Variants in COL18A1 observed in about 807,000 individuals in gnomAD.
COL18A1 encodes the protein collagen type XVIII alpha 1 chain.
COL18A1 carries 133 observed loss-of-function variants against 168.0 expected under a neutral mutation model. The observed-to-expected ratio is 0.79, with a 90% CI of 0.69 to 0.91. The LOEUF (loss-of-function observed/expected upper bound fraction) is 0.91, where lower values mean the gene tolerates loss of function less well. COL18A1 is among the 40% of genes least tolerant of loss of function. COL18A1 has a pLI of 0.00. For missense variants in COL18A1, 2,126 were observed against 1,925.4 expected, an observed-to-expected ratio of 1.10 and a Z score of -1.95; for synonymous variants, 949 against 809.0, an observed-to-expected ratio of 1.17 and a Z score of -2.94.
chr21:45,509,666 GCC>G, intron 39 of COL18A1, 65 bp downstream of exon 39: 1 of 902,122 alleles, frequency 1.1e-6, no homozygotes, highest in Non-Finnish European at 1.8e-6. Context: ...GCAGAAGAGG[GCC>G]CAGCCCCTGC....
chr21:45,456,805 G>T, intron 2 of COL18A1: 1 of 1,538,694 alleles, frequency 6.5e-7, no homozygotes, highest in Non-Finnish European at 8.8e-7. Context: ...GCCTGGGCGG[G>T]GGCCGGCTGC....
chr21:45,474,345 G>T (rs1255343127), intron 4 of COL18A1, among the ~76,000 whole-genome samples: 1 of 148,174 alleles, frequency 6.7e-6, no homozygotes, highest in Non-Finnish European at 1.5e-5. Flanking sequence ...GTGTGGATGT[G>T]TGTGTGTCTG....
chr21:45,499,124 C>T (rs2036648099), intron 32 of COL18A1, among the ~76,000 whole-genome samples: 1 of 152,182 alleles, frequency 6.6e-6, no homozygotes, highest in African/African-American at 2.4e-5. Flanking sequence ...CGGGAGAAGC[C>T]AGAAGACCAT....
At chr21:45,504,121 C>A in intron 33 of COL18A1, 67 bp downstream of exon 33, 1 of 1,544,406 alleles carries the variant, frequency 6.5e-7, no homozygotes, top group Non-Finnish European at 8.9e-7. Context: ...TGGCTGCTCC[C>A]AATTTCTCGC....
Position 45,487,464 on chromosome 21 carries a change from C to CG in COL18A1, c.1857dup (p.Pro620AlafsTer10). The CG allele has an allele frequency of 1.2e-6, 2 of 1,613,040 alleles. No homozygotes were observed. The highest frequency in any genetic ancestry group is 1.1e-5 in the South Asian group (1 of 91,084). ...TCTTCCAGGATGACATGGAAGGCTC[C>CG]GGGGGGCCCTTCTGGTCAACAGCCC... On this transcript the variant is annotated frameshift_variant, in exon 17 of 42. Coordinates refer to ENST00000651438, the MANE Select transcript of COL18A1 (RefSeq NM_001379500.1). LOFTEE classifies it high-confidence loss of function.
intron 15 of COL18A1, among the ~76,000 whole-genome samples, chr21:45,483,136 C>T (rs570254207): frequency 1.1e-4 from 17 of 152,334 alleles, no homozygotes; most frequent in African/African-American, 2.6e-4. Context: ...GTGGCAAGCG[C>T]GATAAAGCAG....
At chr21:45,437,254 A>C (rs1420131189) in intron 2 of COL18A1, among the ~76,000 whole-genome samples, 1 of 106,344 alleles carries the variant, frequency 9.4e-6, no homozygotes, top group Admixed American at 8.8e-5. Flanking sequence ...GTACACACAC[A>C]CACTCACACA....
chr21:45,428,191 C>T (rs1297355098), intron 2 of COL18A1, among the ~76,000 whole-genome samples: 1 of 152,206 alleles, frequency 6.6e-6, no homozygotes, highest in Non-Finnish European at 1.5e-5. Context: ...GGCCTGGGGG[C>T]TCTCAGAGTT....
intron 26 of COL18A1, 77 bp downstream of exon 26, chr21:45,493,652 T>C (rs1290880940): frequency 8.9e-7 from 1 of 1,117,470 alleles, no homozygotes; most frequent in African/African-American, 1.5e-5. Context: ...AGGGTCTTCC[T>C]GAGGGTCTGG....
At chr21:45,428,095 C>T (rs1044531077) in intron 2 of COL18A1, among the ~76,000 whole-genome samples, 1 of 152,232 alleles carries the variant, frequency 6.6e-6, no homozygotes, top group African/African-American at 2.4e-5. Flanking sequence ...TCCTGACTGC[C>T]CCCATCCCTC....
chr21:45,490,943 C>G, intron 21 of COL18A1, 72 bp downstream of exon 21: 1 of 1,423,044 alleles, frequency 7.0e-7, no homozygotes, highest in Non-Finnish European at 9.7e-7. Context: ...GCCTCAGCTG[C>G]CCCAGGTCCG....
In COL18A1 at chr21:45,475,527, G is replaced by C. The variant is rs2145915674; in HGVS notation, c.790G>C (p.Glu264Gln). ...CGGGGACGCCCGGGAGCTTCTCAGGGAGGAGACGGTGAGTAGCCGGACGGG... is the reference window on the plus strand; with the variant it reads ...CGGGGACGCCCGGGAGCTTCTCAGGCAGGAGACGGTGAGTAGCCGGACGGG... ...GLGDARELLREETGAALKPRL... is the reference protein window; with the variant it reads ...GLGDARELLRQETGAALKPRL... Residue 264 changes from glutamate to glutamine, a missense_variant, in exon 5 of 42, where the codon GAG (glutamate) becomes CAG (glutamine). Coordinates refer to ENST00000651438, the MANE Select transcript of COL18A1 (RefSeq NM_001379500.1). 1 of 1,606,606 alleles carries C rather than the reference G, an allele frequency of 6.2e-7. No individual in the cohort carries two copies. Among genetic ancestry groups the C allele is most frequent in the Non-Finnish European group, 8.5e-7 (1 of 1,178,224 alleles).
At chr21:45,434,904 G>A (rs1257236120) in intron 2 of COL18A1, among the ~76,000 whole-genome samples, 1 of 152,176 alleles carries the variant, frequency 6.6e-6, no homozygotes, top group African/African-American at 2.4e-5. Context: ...CCTAGACCAG[G>A]CCCTGGTTCC....
chr21:45,410,372 G>C (rs912100653), intron 2 of COL18A1, among the ~76,000 whole-genome samples: 1 of 152,238 alleles, frequency 6.6e-6, no homozygotes, highest in African/African-American at 2.4e-5. Context: ...AAGGCCAGCA[G>C]GCTTGCGAGT....
chr21:45,479,984 TG>T lies in COL18A1; in HGVS notation c.1311+24del. The T allele has an allele frequency of 6.2e-7, 1 of 1,612,838 alleles. No homozygotes were observed. Among genetic ancestry groups the T allele is most frequent in the Non-Finnish European group, 8.5e-7 (1 of 1,179,816 alleles). On this transcript the variant is annotated intron_variant, in intron 10 of 41. Transcript: ENST00000651438. The stretch of plus-strand genomic sequence containing the variant: ...GACAAGGTGAGTCTCCGTGGCTGGG[TG>T]GGGCCCCTTCCTGTGTTGGCCCTTG...
Position 45,457,782 on chromosome 21 carries a change from G to A in COL18A1, c.107-10460G>A, listed in dbSNP as rs1241890270. 6.6e-6 allele frequency among the ~76,000 whole-genome samples: 1 copy of A among 152,184 alleles called. No individual in the cohort carries two copies. The highest frequency in any genetic ancestry group is 1.5e-5 in the Non-Finnish European group (1 of 68,036). On this transcript the variant is annotated intron_variant, in intron 2 of 41. Transcript: ENST00000651438. This position sits in a 1 kb window ranked among gnomAD's most constrained non-coding sequence, Gnocchi z 4.6. The stretch of plus-strand genomic sequence containing the variant: ...TCTGCTGTCCTCCCCATAGTGCCGA[G>A]GGGAAGCAGCCTTGCTGTTTGCTCT...
chr21:45,509,307 G>A (rs759760173), intron 38 of COL18A1, 49 bp from the exon 39 acceptor site: 1 of 1,535,286 alleles, frequency 6.5e-7, no homozygotes. Context: ...TGGAGGAGGG[G>A]CACCCGGAGG....
At chr21:45,504,229 C>G in intron 33 of COL18A1, 175 bp downstream of exon 33, 1 of 920,210 alleles carries the variant, frequency 1.1e-6, no homozygotes, top group South Asian at 1.5e-5. Flanking sequence ...GTCCCCGGCT[C>G]AGTTTTTGGG....
chr21:45,476,827 A>G (rs935776402), intron 6 of COL18A1, among the ~76,000 whole-genome samples: 2 of 149,554 alleles, frequency 1.3e-5, no homozygotes, highest in African/African-American at 5.0e-5. Context: ...TGTGCAGTGC[A>G]TGTTGTGTTG....
Sources: allele counts gnomAD v4.1 joint callset (sites outside exome capture counted in the v4.1 genomes callset), GRCh38; gene constraint gnomAD v4.1.1; non-coding constraint Gnocchi (gnomAD v3.1); transcripts MANE v1.5; gene names NCBI Gene and HGNC (gene_info 2026-07-23, HGNC 2026-07-21).